ACAP2: variants seen among roughly 807,000 people sequenced by gnomAD.
The protein encoded by ACAP2 is arf-GAP with coiled-coil, ANK repeat and PH domain-containing protein 2.
ACAP2 carries 39 observed loss-of-function variants against 115.8 expected under a neutral mutation model. The ratio of observed to expected loss-of-function variants is 0.34; its 90% CI spans 0.26 to 0.44. The LOEUF is 0.44. Among genes scored for constraint, ACAP2 ranks in the 20% least tolerant of loss-of-function variants. The probability of loss-of-function intolerance (pLI) is 1.00; values close to 1 mark genes in which losing one functional copy is unlikely to be tolerated. For missense variants in ACAP2, 662 were observed against 927.6 expected (o/e 0.71, Z 3.72); for synonymous variants, 289 against 315.8 (o/e 0.92, Z 0.90).
chr3:195,351,832 A>C (rs1413320754), intron 4 of ACAP2, among the ~76,000 whole-genome samples: 2 of 152,190 alleles, frequency 1.3e-5, no homozygotes, highest in Non-Finnish European at 2.9e-5. Context: ...CAAAGAAACA[A>C]AATGCTCAAC....
At chr3:195,315,414 C>T (rs1181800404) in intron 10 of ACAP2, among the ~76,000 whole-genome samples, 1 of 152,178 alleles carries the variant, frequency 6.6e-6, no homozygotes, top group Non-Finnish European at 1.5e-5. Context: ...ATTTGCTATC[C>T]ATAATTTTTC....
intron 21 of ACAP2, among the ~76,000 whole-genome samples, chr3:195,287,229 A>C (rs1726902852): frequency 6.6e-6 from 1 of 152,186 alleles, no homozygotes; most frequent in African/African-American, 2.4e-5. Context: ...TTTCCTACAT[A>C]ATAAGGTATC....
chr3:195,289,208 C>T lies in ACAP2; in HGVS notation c.2087G>A (p.Arg696Gln). Reference sequence around the variant, plus strand: ...ATCAGTGGCATGTTGATTGGCACCTCGTTTTAGGAATAAACATACCTGCCT... The same window carrying T: ...ATCAGTGGCATGTTGATTGGCACCTTGTTTTAGGAATAAACATACCTGCCT... Reference protein sequence around the residue: ...HTGQVCLFLKRGANQHATDEE... With the variant: ...HTGQVCLFLKQGANQHATDEE... The change falls in exon 21 of 23, where the codon CGA becomes CAA. Residue 696 changes from arginine (R) to glutamine (Q), a missense_variant. Arg to Gln is a conservative substitution (Grantham distance 43). Coordinates refer to ENST00000326793, the MANE Select transcript of ACAP2 (RefSeq NM_012287.6). The T allele has an allele frequency of 6.2e-7, 1 of 1,612,538 alleles. No individual in the cohort carries two copies. Among genetic ancestry groups the T allele is most frequent in the Non-Finnish European group, 8.5e-7 (1 of 1,179,564 alleles).
chr3:195,356,230 C>A, intron 4 of ACAP2: 1 of 456,050 alleles, frequency 2.2e-6, no homozygotes, highest in South Asian at 1.5e-5. Context: ...CAAGCCGGAA[C>A]GCAGTGCTGC....
intron 1 of ACAP2, among the ~76,000 whole-genome samples, chr3:195,409,119 A>C (rs1424478892): frequency 6.6e-6 from 1 of 150,864 alleles, no homozygotes; most frequent in Admixed American, 6.6e-5. Flanking sequence ...AAAAAAAAGG[A>C]ATCAAATTGA....
intron 1 of ACAP2, among the ~76,000 whole-genome samples, chr3:195,393,067 T>C (rs1031939463): frequency 6.6e-6 from 1 of 152,196 alleles, no homozygotes; most frequent in Non-Finnish European, 1.5e-5. Context: ...ACAAGCATGG[T>C]GGCTCACACC....
chr3:195,355,281 CTTT>C (rs11345721), intron 4 of ACAP2, among the ~76,000 whole-genome samples: 21 of 126,838 alleles, frequency 1.7e-4, no homozygotes, highest in East Asian at 8.9e-4. Context: ...TCTTTTTCTT[CTTT>C]TTTTTTTTTT....
At chr3:195,348,382 G>C (rs913735614) in intron 4 of ACAP2, among the ~76,000 whole-genome samples, 3 of 151,784 alleles carry the variant, frequency 2.0e-5, no homozygotes, top group Admixed American at 1.3e-4. Context: ...ACTCCACAAA[G>C]ATGTCTTCAC....
chr3:195,313,930 A>G (rs1319153827), intron 10 of ACAP2, among the ~76,000 whole-genome samples: 1 of 152,202 alleles, frequency 6.6e-6, no homozygotes, highest in African/African-American at 2.4e-5. Flanking sequence ...TATTGTGGTG[A>G]CTTCACTTAT....
chr3:195,401,528 G>A (rs182005462), intron 1 of ACAP2, among the ~76,000 whole-genome samples: 6 of 152,254 alleles, frequency 3.9e-5, no homozygotes, highest in African/African-American at 9.6e-5. Flanking sequence ...TTAGCCAGGC[G>A]TGGTGGTGCA....
intron 7 of ACAP2, 47 bp downstream of exon 7, chr3:195,336,883 TTA>T: frequency 1.4e-6 from 2 of 1,425,836 alleles, no homozygotes; most frequent in Non-Finnish European, 9.8e-7. Flanking sequence ...ATACGTACAT[TTA>T]GTTTCATATT....
chr3:195,410,327 C>T (rs866077874), intron 1 of ACAP2, among the ~76,000 whole-genome samples: 7 of 152,080 alleles, frequency 4.6e-5, no homozygotes, highest in Non-Finnish European at 8.8e-5. Flanking sequence ...TAGAAGAAAA[C>T]GTAGATTAAA....
chr3:195,385,008 G>C (rs1220336829), intron 2 of ACAP2, among the ~76,000 whole-genome samples: 2 of 152,092 alleles, frequency 1.3e-5, no homozygotes, highest in Admixed American at 6.6e-5. Flanking sequence ...AAACATCTAA[G>C]TGAGACTGAG....
At chr3:195,362,788 GGT>G (rs1732458438) in intron 4 of ACAP2, among the ~76,000 whole-genome samples, 1 of 151,996 alleles carries the variant, frequency 6.6e-6, no homozygotes. Context: ...CAAAAAACTG[GGT>G]ATAGAAGAAA....
At chr3:195,381,170 C>T (rs1166073466) in intron 3 of ACAP2, 108 bp from the exon 4 acceptor site, 1 of 757,180 alleles carries the variant, frequency 1.3e-6, no homozygotes, top group Non-Finnish European at 2.2e-6. Flanking sequence ...ACACTGTAAA[C>T]AGTAACATTT....
chr3:195,333,016 C>T lies in ACAP2; in HGVS notation c.669+12G>A, dbSNP rs1164748217. On this transcript the variant is annotated intron_variant, in intron 8 of 22. Coordinates refer to ENST00000326793, the MANE Select transcript of ACAP2 (RefSeq NM_012287.6). ...GTATAAAACAGAATCAAGAAATATA[C>T]TGCAACATTACCTGTGCACCAAGAT... 6.4e-6 allele frequency: 10 copies of T among 1,563,450 alleles called. No homozygotes were observed. In the South Asian group the frequency reaches 1.0e-4, roughly 16 times the overall value.
intron 7 of ACAP2, among the ~76,000 whole-genome samples, chr3:195,333,653 A>C (rs1284680959): frequency 6.6e-6 from 1 of 152,258 alleles, no homozygotes; most frequent in Admixed American, 6.5e-5. Context: ...TGTTTAGACT[A>C]TATCTAGGTG....
chr3:195,343,372 G>T (rs779532390), intron 5 of ACAP2, among the ~76,000 whole-genome samples: 1 of 152,100 alleles, frequency 6.6e-6, no homozygotes. Context: ...TTTAGCCCTC[G>T]AGAAAAATCC....
At chr3:195,431,818 G>A (rs765965419) in intron 1 of ACAP2, among the ~76,000 whole-genome samples, 2 of 152,016 alleles carry the variant, frequency 1.3e-5, no homozygotes, top group Non-Finnish European at 2.9e-5. Context: ...CATTCCCACT[G>A]GCAGTGCATG....
Sources: gnomAD v4.1 joint callset for allele counts (sites outside exome capture counted in the v4.1 genomes callset) on GRCh38, gnomAD v4.1.1 for gene constraint, MANE v1.5 for transcripts, NCBI Gene and HGNC (gene_info 2026-07-23, HGNC 2026-07-21) for gene names.